Variants in MAF observed in about 807,000 individuals in gnomAD.
The protein encoded by MAF is transcription factor Maf.
MAF carries 10 observed loss-of-function variants against 22.0 expected under a neutral mutation model. The ratio of observed to expected loss-of-function variants is 0.45; its 90% CI spans 0.28 to 0.77. MAF has a LOEUF of 0.77. Ranked by LOEUF, MAF falls within the 30% of genes least tolerant of loss-of-function variation. The pLI, the probability that MAF is intolerant of heterozygous loss-of-function variation, is 0.12. For synonymous variants in MAF, 337 were observed against 255.8 expected (o/e 1.32, Z -3.03); for missense variants, 544 against 548.4 (o/e 0.99, Z 0.08).
the MAF span, among the ~76,000 whole-genome samples, chr16:79,494,970 A>G: frequency 2.0e-5 from 3 of 152,166 alleles, no homozygotes; most frequent in Non-Finnish European, 4.4e-5. Flanking sequence ...GGAACAGCCA[A>G]ATGGAAGCAA....
the MAF span, among the ~76,000 whole-genome samples, chr16:79,271,270 C>T: frequency 6.6e-6 from 1 of 152,088 alleles, no homozygotes; most frequent in Non-Finnish European, 1.5e-5. Flanking sequence ...ACTGTTTCCC[C>T]ATTTACAGAT....
the MAF span, among the ~76,000 whole-genome samples, chr16:79,266,079 G>A: frequency 2.7e-5 from 4 of 150,060 alleles, no homozygotes; most frequent in African/African-American, 9.9e-5. Context: ...TCACTGTGTT[G>A]CCTAGGCTGG....
the MAF span, among the ~76,000 whole-genome samples, chr16:79,275,444 C>G: frequency 6.6e-6 from 1 of 152,164 alleles, no homozygotes; most frequent in African/African-American, 2.4e-5. Flanking sequence ...ACTCACAACT[C>G]TTAAAATGGA....
At chr16:79,370,678 G>C in the MAF span, among the ~76,000 whole-genome samples, 46,183 of 152,102 alleles carry the variant, frequency 0.3, 8,385 homozygotes, top group Non-Finnish European at 0.42. Flanking sequence ...AGTGAGTTCT[G>C]ATTGTTGGTT....
chr16:79,488,085 C>T, the MAF span, among the ~76,000 whole-genome samples: 6 of 152,186 alleles, frequency 3.9e-5, no homozygotes, highest in African/African-American at 1.4e-4. Flanking sequence ...AAATCTGTCC[C>T]TGGAGACCTG....
the MAF span, among the ~76,000 whole-genome samples, chr16:79,561,314 TC>T: frequency 2.0e-5 from 3 of 146,504 alleles, no homozygotes; most frequent in African/African-American, 7.4e-5. Context: ...AAGTTTTCTT[TC>T]TTTTTTTTTT....
At chr16:79,329,550 A>T in the MAF span, among the ~76,000 whole-genome samples, 30 of 152,294 alleles carry the variant, frequency 2.0e-4, 1 homozygote, top group East Asian at 4.8e-3. Context: ...AATTAAAAAA[A>T]CTGTACATTA....
the MAF span, among the ~76,000 whole-genome samples, chr16:79,298,532 G>A: frequency 6.6e-6 from 1 of 152,206 alleles, no homozygotes. Context: ...CCTAGCTGAA[G>A]TTTGAAGGGT....
the MAF span, among the ~76,000 whole-genome samples, chr16:79,442,782 AG>A: frequency 2.2e-4 from 34 of 152,248 alleles, no homozygotes; most frequent in Middle Eastern, 3.2e-3. Flanking sequence ...TGGAAACACA[AG>A]AAGGTGTGAG....
chr16:79,238,839 G>C, the MAF span, among the ~76,000 whole-genome samples: 2 of 151,938 alleles, frequency 1.3e-5, no homozygotes, highest in African/African-American at 2.4e-5. Context: ...GGGGGATATA[G>C]GATTTGAACT....
At chr16:79,349,054 G>A in the MAF span, among the ~76,000 whole-genome samples, 15 of 152,284 alleles carry the variant, frequency 9.9e-5, no homozygotes, top group East Asian at 2.1e-3. Context: ...AGCAAATGAT[G>A]ACAGCTAACA....
At chr16:79,560,007 C>T in the MAF span, among the ~76,000 whole-genome samples, 1 of 152,182 alleles carries the variant, frequency 6.6e-6, no homozygotes, top group Non-Finnish European at 1.5e-5. Context: ...GGGGCTCAAG[C>T]AATCCTCCTG....
chr16:79,445,563 G>C, the MAF span, among the ~76,000 whole-genome samples: 1 of 152,208 alleles, frequency 6.6e-6, no homozygotes, highest in Admixed American at 6.5e-5. Context: ...CCCAAGCTCA[G>C]GTGCCCCTTG....
chr16:79,496,067 C>G, the MAF span, among the ~76,000 whole-genome samples: 13 of 152,258 alleles, frequency 8.5e-5, no homozygotes, highest in East Asian at 2.3e-3. Flanking sequence ...AGACCCTGAG[C>G]TAGAGGAGTT....
At chr16:79,522,571 T>C in the MAF span, among the ~76,000 whole-genome samples, 1 of 152,206 alleles carries the variant, frequency 6.6e-6, no homozygotes, top group East Asian at 1.9e-4. Flanking sequence ...ATTTTGCCCC[T>C]GCTCTTTGGG....
chr16:79,361,751 T>C, the MAF span, among the ~76,000 whole-genome samples: 3 of 152,136 alleles, frequency 2.0e-5, no homozygotes, highest in Non-Finnish European at 4.4e-5. Context: ...AGTTCGGTGC[T>C]GAATCCCCCA....
chr16:79,412,056 C>T, the MAF span, among the ~76,000 whole-genome samples: 12 of 152,160 alleles, frequency 7.9e-5, no homozygotes, highest in African/African-American at 1.7e-4. Flanking sequence ...ACTTAGTACA[C>T]GTCAGGCAGA....
downstream of MAF, among the ~76,000 whole-genome samples, chr16:79,589,930 C>T (rs1193276455): frequency 1.6e-4 from 25 of 152,174 alleles, no homozygotes; most frequent in Admixed American, 1.6e-3. Flanking sequence ...CACCGGCTCC[C>T]TGGGCACTGC....
At chr16:79,438,047 G>C in the MAF span, among the ~76,000 whole-genome samples, 5 of 152,152 alleles carry the variant, frequency 3.3e-5, no homozygotes, top group Non-Finnish European at 5.9e-5. Flanking sequence ...CCATCCCTTG[G>C]AGAGCCTGTC....
Sources: allele counts gnomAD v4.1 joint callset (sites outside exome capture counted in the v4.1 genomes callset), GRCh38; gene constraint gnomAD v4.1.1; transcripts MANE v1.5; gene names NCBI Gene and HGNC (gene_info 2026-07-23, HGNC 2026-07-21).